EPHA6: variants seen among roughly 807,000 people sequenced by gnomAD.
EPHA6 encodes EPH receptor A6, also known as ephrin type-A receptor 6.
In EPHA6, 50 loss-of-function variants were observed where a neutral mutation model predicts 112.0. That is an observed-to-expected ratio of 0.45 (90% confidence interval 0.36 to 0.56). EPHA6 has a LOEUF of 0.56. Ranked by LOEUF, EPHA6 falls within the 20% of genes least tolerant of loss-of-function variation. The pLI, the probability that EPHA6 is intolerant of heterozygous loss-of-function variation, is 0.00. For synonymous variants in EPHA6, 529 were observed against 490.7 expected, an observed-to-expected ratio of 1.08 and a Z score of -1.03; for missense variants, 1,280 against 1,417.4, an observed-to-expected ratio of 0.90 and a Z score of 1.56.
In EPHA6 at chr3:97,060,283, T is replaced by C. The variant is rs569640873; in HGVS notation, c.1114+72290T>C. Among the ~76,000 whole-genome samples the C allele has an allele frequency of 1.3e-3, 202 of 152,350 alleles. 1 individual carries two copies. The highest frequency in any genetic ancestry group is 4.5e-3 in the African/African-American group (188 of 41,586). On this transcript the variant is annotated intron_variant, in intron 3 of 17. Coordinates refer to ENST00000389672, the MANE Select transcript of EPHA6 (RefSeq NM_001080448.3). ...GAAAACTGAAGTTAAATAATCAATATGGTATAGAGAGTAACATTTGAATTA... is the reference window on the plus strand; with the variant it reads ...GAAAACTGAAGTTAAATAATCAATACGGTATAGAGAGTAACATTTGAATTA...
At chr3:97,382,670 TC>T (rs2085824164) in intron 5 of EPHA6, among the ~76,000 whole-genome samples, 2 of 151,972 alleles carry the variant, frequency 1.3e-5, no homozygotes, top group African/African-American at 4.8e-5. Context: ...CAAAGATGGA[TC>T]AGCAATTCAG....
rs572933275 is a variant in EPHA6 at position 97,383,792 on chromosome 3, G to A, written c.1607-21358G>A. On this transcript the variant is annotated intron_variant, in intron 5 of 17. Transcript: ENST00000389672. ...TTAAAAGCTCTGATAATTCCTTCAA[G>A]AAGGAAACTTGTTTGGCTTTTTGCA... is the stretch of plus-strand genomic sequence containing the variant. Among the ~76,000 whole-genome samples, 7 of 152,178 alleles carry A rather than the reference G, an allele frequency of 4.6e-5. No individual in the cohort carries two copies. In the South Asian group the frequency reaches 1.2e-3, roughly 27 times the overall value.
At chr3:97,208,115 G>A (rs528284232) in intron 3 of EPHA6, among the ~76,000 whole-genome samples, 27 of 152,222 alleles carry the variant, frequency 1.8e-4, no homozygotes, top group African/African-American at 4.3e-4. Context: ...AGTGTCTGCT[G>A]TTGCTGCATA....
At chr3:97,720,498 T>C in intron 15 of EPHA6, 88 bp downstream of exon 15, 6 of 1,243,038 alleles carry the variant, frequency 4.8e-6, no homozygotes, top group Non-Finnish European at 6.6e-6. Context: ...CTCACTCAGA[T>C]TGGCCTTTAT....
At chr3:97,473,274 C>T (rs2091278886) in intron 7 of EPHA6, among the ~76,000 whole-genome samples, 1 of 151,498 alleles carries the variant, frequency 6.6e-6, no homozygotes, top group Admixed American at 6.6e-5. Flanking sequence ...GTTTAAGAAA[C>T]AATTATGCAG....
intron 2 of EPHA6, among the ~76,000 whole-genome samples, chr3:96,978,970 T>G (rs2042641832): frequency 6.6e-6 from 1 of 152,194 alleles, no homozygotes; most frequent in Non-Finnish European, 1.5e-5. Flanking sequence ...TCTCATATTT[T>G]CAGAGAATTA....
intron 1 of EPHA6, among the ~76,000 whole-genome samples, chr3:96,847,697 A>G (rs1447812480): frequency 2.0e-5 from 3 of 152,162 alleles, no homozygotes; most frequent in Non-Finnish European, 2.9e-5. Context: ...AATAAATTGT[A>G]TGAAAAAATA....
chr3:97,158,262 A>AAC (rs984405458), intron 3 of EPHA6, among the ~76,000 whole-genome samples: 7 of 152,000 alleles, frequency 4.6e-5, no homozygotes, highest in Admixed American at 2.0e-4. Context: ...TCTGTCTGTA[A>AAC]ACACACACAC....
intron 14 of EPHA6, among the ~76,000 whole-genome samples, chr3:97,672,720 A>G (rs1437235311): frequency 6.6e-6 from 1 of 152,160 alleles, no homozygotes; most frequent in Admixed American, 6.6e-5. Flanking sequence ...CCCTTTGAAC[A>G]TATTGGAATG....
intron 10 of EPHA6, among the ~76,000 whole-genome samples, chr3:97,505,450 G>A (rs2092224836): frequency 6.6e-6 from 1 of 151,324 alleles, no homozygotes; most frequent in Non-Finnish European, 1.5e-5. Flanking sequence ...TTGGTTGTCT[G>A]TTCCTGTGTT....
chr3:97,728,560 G>T (rs1258391986), intron 15 of EPHA6, among the ~76,000 whole-genome samples: 2 of 152,064 alleles, frequency 1.3e-5, no homozygotes, highest in African/African-American at 4.8e-5. Context: ...GCCAAATCCA[G>T]AATTAAATTT....
intron 5 of EPHA6, among the ~76,000 whole-genome samples, chr3:97,397,418 T>A (rs990451675): frequency 2.0e-5 from 3 of 151,808 alleles, no homozygotes; most frequent in East Asian, 1.9e-4. Context: ...AAGAAATCAT[T>A]AAATATATTC....
intron 11 of EPHA6, chr3:97,569,941 G>A (rs931674452): frequency 1.3e-5 from 2 of 152,106 alleles, no homozygotes; most frequent in East Asian, 1.9e-4. Flanking sequence ...ACCCAGAGAG[G>A]GGTTATGTAA....
chr3:97,646,477 C>T (rs907014793), intron 14 of EPHA6, among the ~76,000 whole-genome samples: 3 of 152,232 alleles, frequency 2.0e-5, no homozygotes, highest in Admixed American at 2.0e-4. Flanking sequence ...GCATGCCGTG[C>T]TCTAGGTCTG....
intron 2 of EPHA6, among the ~76,000 whole-genome samples, chr3:96,981,534 C>T (rs921649244): frequency 1.3e-5 from 2 of 151,826 alleles, no homozygotes; most frequent in Admixed American, 6.6e-5. Context: ...TGTGTCTCTG[C>T]GAGGCTTTAG....
intron 3 of EPHA6, among the ~76,000 whole-genome samples, chr3:97,201,575 C>CTATTAATATTAAT (rs1428777199): frequency 6.6e-6 from 1 of 151,882 alleles, no homozygotes; most frequent in Non-Finnish European, 1.5e-5. Context: ...GTGAACATCT[C>CTATTAATATTAAT]TACAAAATAA....
intron 1 of EPHA6, among the ~76,000 whole-genome samples, chr3:96,820,388 G>A (rs1293325992): frequency 6.6e-6 from 1 of 152,030 alleles, no homozygotes; most frequent in African/African-American, 2.4e-5. Context: ...AGAATTGGGA[G>A]TCAGTTGCAG....
intron 3 of EPHA6, among the ~76,000 whole-genome samples, chr3:97,053,681 C>T (rs1199142986): frequency 6.6e-6 from 1 of 152,086 alleles, no homozygotes; most frequent in South Asian, 2.1e-4. Context: ...ACTAAATGCA[C>T]TTTCACATGA....
intron 2 of EPHA6, among the ~76,000 whole-genome samples, chr3:96,943,318 G>A (rs995711688): frequency 2.0e-5 from 3 of 152,040 alleles, no homozygotes; most frequent in African/African-American, 7.2e-5. Flanking sequence ...AATTTTTGAA[G>A]TAATGTATAT....
Sources: allele counts gnomAD v4.1 joint callset (sites outside exome capture counted in the v4.1 genomes callset), GRCh38; gene constraint gnomAD v4.1.1; transcripts MANE v1.5; gene names NCBI Gene and HGNC (gene_info 2026-07-23, HGNC 2026-07-21).